Variants in WHRN observed in about 807,000 individuals in gnomAD.
WHRN encodes CASK-interacting protein CIP98.
WHRN carries 41 observed loss-of-function variants against 68.3 expected under a neutral mutation model. The observed-to-expected ratio is 0.60, with a 90% confidence interval of 0.47 to 0.78. The LOEUF (loss-of-function observed/expected upper bound fraction) is 0.78. Ranked by LOEUF, WHRN falls within the 30% of genes least tolerant of loss-of-function variation. WHRN has a pLI of 0.00. For synonymous variants in WHRN, 560 were observed against 561.3 expected (o/e 1.00, Z 0.03); for missense variants, 1,243 against 1,244.7 (o/e 1.00, Z 0.02).
chr9:114,435,970 T>A (rs1326783785), intron 3 of WHRN, among the ~76,000 whole-genome samples: 1 of 152,192 alleles, frequency 6.6e-6, no homozygotes, highest in Non-Finnish European at 1.5e-5. Context: ...TATCCAGACA[T>A]CGGCTCTCTC....
At chr9:114,447,630 T>G (rs1838942979) in intron 3 of WHRN, among the ~76,000 whole-genome samples, 2 of 152,162 alleles carry the variant, frequency 1.3e-5, no homozygotes, top group Admixed American at 6.5e-5. Context: ...GTGCTGTGGT[T>G]TGAATGTGTG....
intron 9 of WHRN, 58 bp from the exon 10 acceptor site, chr9:114,404,135 G>A: frequency 1.3e-6 from 2 of 1,555,466 alleles, no homozygotes; most frequent in Non-Finnish European, 1.7e-6. Context: ...AGGGAGGGCT[G>A]CCTGGAGGCA....
At chr9:114,471,249 T>C (rs1022894443) in intron 2 of WHRN, among the ~76,000 whole-genome samples, 7 of 152,222 alleles carry the variant, frequency 4.6e-5, no homozygotes, top group South Asian at 2.1e-4. Flanking sequence ...CCAAATGTAC[T>C]GTTTCCTATG....
chr9:114,435,230 T>C (rs1837751595), intron 3 of WHRN, among the ~76,000 whole-genome samples: 1 of 152,194 alleles, frequency 6.6e-6, no homozygotes, highest in Non-Finnish European at 1.5e-5. Flanking sequence ...CCCCCTTGAA[T>C]GGCACATGGG....
At chr9:114,450,830 C>CG (rs1181838070) in intron 3 of WHRN, among the ~76,000 whole-genome samples, 1 of 147,968 alleles carries the variant, frequency 6.8e-6, no homozygotes, top group Admixed American at 6.6e-5. Flanking sequence ...TTAGTTTCCC[C>CG]CCCCGCAAAA....
intron 1 of WHRN, among the ~76,000 whole-genome samples, chr9:114,486,814 CA>C (rs59992011): frequency 0.07 from 4,979 of 71,150 alleles, 128 homozygotes; most frequent in Admixed American, 0.14. Flanking sequence ...GCTTCCCAGG[CA>C]AAAAAAAAAA....
chr9:114,498,383 G>A (rs1843639809), intron 1 of WHRN, among the ~76,000 whole-genome samples: 1 of 152,216 alleles, frequency 6.6e-6, no homozygotes, highest in South Asian at 2.1e-4. Context: ...GGGATGCAGA[G>A]GCATGAGAAT....
chr9:114,504,585 C>T lies in WHRN; in HGVS notation c.217G>A (p.Asp73Asn), dbSNP rs1351836953. Residue 73 changes from aspartate to asparagine, a missense_variant, in exon 1 of 12, where the codon GAC (aspartate) becomes AAC (asparagine). Physicochemically the swap from Asp to Asn is conservative, Grantham distance 23 (BLOSUM62 1). Coordinates refer to ENST00000362057, the MANE Select transcript of WHRN (RefSeq NM_015404.4). ...AGCACGCGCAGGGTGCGCACCAGGT[C>T]GAAGACGTTGCGGCGCGCGTGGTAA... ...NAYHARRNVFDLVRTLRVLLD... is the reference protein window; with the variant it reads ...NAYHARRNVFNLVRTLRVLLD... The T allele has an allele frequency of 6.2e-7, 1 of 1,611,508 alleles. No individual in the cohort carries two copies. The highest frequency in any genetic ancestry group is 8.5e-7 in the Non-Finnish European group (1 of 1,179,640).
intron 1 of WHRN, among the ~76,000 whole-genome samples, chr9:114,483,835 G>A (rs1004728184): frequency 1.3e-5 from 2 of 152,212 alleles, no homozygotes; most frequent in Non-Finnish European, 1.5e-5. Context: ...ATTCAGGGCT[G>A]TATTTAGAAG....
At chr9:114,418,421 C>T (rs993030976) in intron 7 of WHRN, among the ~76,000 whole-genome samples, 4 of 152,210 alleles carry the variant, frequency 2.6e-5, no homozygotes, top group African/African-American at 4.8e-5. Context: ...CCAGGCCCTT[C>T]GTGGCCCACA....
chr9:114,428,084 T>C (rs78026734), intron 3 of WHRN, among the ~76,000 whole-genome samples: 30,088 of 152,102 alleles, frequency 0.2, 3,158 homozygotes, highest in Middle Eastern at 0.26. Flanking sequence ...TCCCAGCACT[T>C]TGGGAGGCTG....
At chr9:114,430,244 C>CG (rs553470222) in intron 3 of WHRN, among the ~76,000 whole-genome samples, 65 of 152,258 alleles carry the variant, frequency 4.3e-4, no homozygotes, top group African/African-American at 1.5e-3. Flanking sequence ...ACGTGGCCTT[C>CG]TATGAGGCTG....
rs146550600 is a variant in WHRN, at chr9:114,440,294, C to T, written c.964-13881G>A. 5.8e-3 allele frequency among the ~76,000 whole-genome samples: 879 copies of T among 152,194 alleles called. 11 individuals are homozygous for T. Among genetic ancestry groups the T allele is most frequent in the South Asian group, 0.034 (164 of 4,816 alleles). On this transcript the variant is annotated intron_variant, in intron 3 of 11. Coordinates refer to ENST00000362057, the MANE Select transcript of WHRN (RefSeq NM_015404.4). ...ACAGTGTTGCCCAGGCTCAGTGCAG[C>T]GATGCAATCTTGGCTTGCTGCAACC... is the stretch of plus-strand genomic sequence containing the variant.
intron 3 of WHRN, among the ~76,000 whole-genome samples, chr9:114,457,285 C>G (rs1839886357): frequency 6.6e-6 from 1 of 152,042 alleles, no homozygotes; most frequent in African/African-American, 2.4e-5. Flanking sequence ...ACAAGGTGAA[C>G]CTGGGATTTC....
rs370238851 is a variant in WHRN at position 114,402,684 on chromosome 9, T to A, written c.*70A>T. On this transcript the variant is annotated 3_prime_UTR_variant, in exon 12 of 12. Coordinates refer to ENST00000362057, the MANE Select transcript of WHRN (RefSeq NM_015404.4). ...AGCCCCAACCCCGCAAGGAGCTTGA[T>A]GAAGCCAACGGTGGAAAGGGACTGG... is the stretch of plus-strand genomic sequence containing the variant. 1.9e-5 allele frequency: 31 copies of A among 1,598,888 alleles called. 1 individual carries two copies. Among genetic ancestry groups the A allele is most frequent in the African/African-American group, 1.6e-4 (12 of 74,706 alleles).
chr9:114,457,925 A>G (rs1406187111), intron 3 of WHRN, among the ~76,000 whole-genome samples: 2 of 152,018 alleles, frequency 1.3e-5, no homozygotes, highest in African/African-American at 4.8e-5. Context: ...AAAAAAAAAA[A>G]AAAAAAGTGG....
At chr9:114,451,345 A>T (rs1205463970) in intron 3 of WHRN, among the ~76,000 whole-genome samples, 1 of 152,120 alleles carries the variant, frequency 6.6e-6, no homozygotes, top group African/African-American at 2.4e-5. Context: ...AAGCTGCTTA[A>T]TCTCATTGAG....
At chr9:114,425,526 T>C in intron 4 of WHRN, 1 of 311,380 alleles carries the variant, frequency 3.2e-6, no homozygotes. Context: ...TCTTTCTAGA[T>C]GTTGGCAAGT....
intron 1 of WHRN, chr9:114,491,718 C>A (rs1007522082): frequency 7.6e-6 from 2 of 262,730 alleles, no homozygotes; most frequent in Admixed American, 8.1e-5. Context: ...AAAAGGCAAA[C>A]GAGAAGCAGC....
Sources: allele counts gnomAD v4.1 joint callset (sites outside exome capture counted in the v4.1 genomes callset), GRCh38; gene constraint gnomAD v4.1.1; transcripts MANE v1.5; gene names NCBI Gene and HGNC (gene_info 2026-07-23, HGNC 2026-07-21).